The following DOCK5 variants were observed in gnomAD, a reference collection of about 807,000 sequenced individuals.
The protein encoded by DOCK5 is dedicator of cytokinesis 5.
In DOCK5, 142 loss-of-function variants were observed where a neutral mutation model predicts 251.8. That is an observed-to-expected ratio of 0.56 (90% CI 0.49 to 0.65). DOCK5 has a LOEUF of 0.65. Among genes scored for constraint, DOCK5 ranks in the 30% least tolerant of loss-of-function variants. The pLI is 0.00. For missense variants in DOCK5, 2,111 were observed against 2,312.3 expected (o/e 0.91, Z 1.79); for synonymous variants, 842 against 835.5 (o/e 1.01, Z -0.13).
intron 16 of DOCK5, among the ~76,000 whole-genome samples, chr8:25,321,645 T>C (rs377472933): frequency 6.6e-6 from 1 of 152,038 alleles, no homozygotes; most frequent in South Asian, 2.1e-4. Context: ...GGAGCTCAGG[T>C]GATAATGCGA....
intron 30 of DOCK5, 114 bp from the exon 31 acceptor site, chr8:25,366,756 T>A: frequency 1.4e-6 from 1 of 695,454 alleles, no homozygotes; most frequent in Non-Finnish European, 2.4e-6. Flanking sequence ...GATTGTATTT[T>A]GTTCTTTCAT....
intron 47 of DOCK5, among the ~76,000 whole-genome samples, chr8:25,402,411 C>T (rs1168526762): frequency 6.6e-6 from 1 of 152,200 alleles, no homozygotes; most frequent in African/African-American, 2.4e-5. Flanking sequence ...ATTCTCCTGC[C>T]TCAGCCTCCT....
chr8:25,305,696 GA>G lies in DOCK5; in HGVS notation c.1049+1372del, dbSNP rs1156501699. Among the ~76,000 whole-genome samples, 6 of 152,226 alleles carry G rather than the reference GA, an allele frequency of 3.9e-5. No homozygotes were observed. In the East Asian group the frequency reaches 1.2e-3, roughly 29 times the overall value. On this transcript the variant is annotated intron_variant, in intron 11 of 51. Coordinates refer to ENST00000276440, the MANE Select transcript of DOCK5 (RefSeq NM_024940.8). ...TGTTGTACATTTATTGAGGATGAGT[GA>G]AATGCAAATCGAAACATCAAGGTTT... is the stretch of plus-strand genomic sequence containing the variant.
In DOCK5 at chr8:25,401,083, T is replaced by C; in HGVS notation, c.4926+17T>C. The C allele has an allele frequency of 6.2e-7, 1 of 1,613,078 alleles. No homozygotes were observed. Among genetic ancestry groups the C allele is most frequent in the South Asian group, 1.1e-5 (1 of 90,948 alleles). ...ATAACACTGGTAAGCATGATCTAAGTAGCCTTCACACCTTTTTCTAGGCTC... is the reference window on the plus strand; with the variant it reads ...ATAACACTGGTAAGCATGATCTAAGCAGCCTTCACACCTTTTTCTAGGCTC... On this transcript the variant is annotated intron_variant, in intron 47 of 51. Coordinates refer to ENST00000276440, the MANE Select transcript of DOCK5 (RefSeq NM_024940.8).
Position 25,380,316 on chromosome 8 carries a change from G to A in DOCK5, c.3948G>A (p.Lys1316=). 6.2e-7 allele frequency: 1 copy of A among 1,610,856 alleles called. No individual in the cohort carries two copies. The change falls in exon 39 of 52, where the codon AAG becomes AAA. Residue 1316 remains lysine (K), a synonymous_variant. Transcript: ENST00000276440. The stretch of plus-strand genomic sequence containing the variant: ...TCCTTTTTCTGAAGATGTGGGAGAA[G>A]GCCATCAAGCTGAGCAAAGAGTTGG... ...SYFDKGKMWE[K]AIKLSKELAE... is the part of the protein sequence containing the mutation.
chr8:25,325,401 T>A lies in DOCK5; in HGVS notation c.1757T>A (p.Leu586Gln). ...AAAATGGAAGATGCTAAATTCTACC[T>A]GACCCTGCCTGGAACCAAGATGGAG... is the stretch of plus-strand genomic sequence containing the variant. ...NKKMEDAKFY[L>Q]TLPGTKMEME... The change falls in exon 18 of 52, where the codon CTG becomes CAG. Residue 586 changes from leucine (L) to glutamine (Q), a missense_variant. Around this residue, in one of 3 missense-constraint regions of DOCK5, gnomAD observed 1,717 missense variants for 1,892.4 expected, o/e 0.91. Coordinates refer to ENST00000276440, the MANE Select transcript of DOCK5 (RefSeq NM_024940.8). 1 of 1,613,984 alleles carries A rather than the reference T, an allele frequency of 6.2e-7. No homozygotes were observed. The highest frequency in any genetic ancestry group is 8.5e-7 in the Non-Finnish European group (1 of 1,179,866).
intron 2 of DOCK5, among the ~76,000 whole-genome samples, chr8:25,262,174 A>G (rs76763413): frequency 0.046 from 6,989 of 152,248 alleles, 523 homozygotes; most frequent in African/African-American, 0.16. Flanking sequence ...ACCAGCAATG[A>G]GAGAGAGTTC....
At chr8:25,364,944 G>T (rs560655011) in intron 30 of DOCK5, among the ~76,000 whole-genome samples, 1 of 152,056 alleles carries the variant, frequency 6.6e-6, no homozygotes, top group African/African-American at 2.4e-5. Context: ...AAGAGTAATA[G>T]TAGAAGATCA....
At chr8:25,329,627 A>T (rs1269606900) in intron 18 of DOCK5, among the ~76,000 whole-genome samples, 3 of 152,168 alleles carry the variant, frequency 2.0e-5, no homozygotes, top group Non-Finnish European at 2.9e-5. Context: ...ATGGTTGAAG[A>T]TATTCTTCCT....
intron 43 of DOCK5, 105 bp downstream of exon 43, chr8:25,392,085 C>T (rs977281926): frequency 3.2e-5 from 34 of 1,064,734 alleles, no homozygotes; most frequent in Non-Finnish European, 3.8e-5. Flanking sequence ...GGGCGGATCA[C>T]GAAGTCAAGA....
intron 7 of DOCK5, among the ~76,000 whole-genome samples, chr8:25,296,873 A>T (rs1184444446): frequency 6.6e-6 from 1 of 152,104 alleles, no homozygotes; most frequent in Admixed American, 6.6e-5. Context: ...AGGATCCATA[A>T]TGGTATATAT....
In DOCK5 at chr8:25,345,395, G is replaced by A. The variant is rs534836346; in HGVS notation, c.2618-80G>A. ...GAGCTTAGAGCTACTGGTACTGGTC[G>A]AGGAAGAGTTGCAGGAAGGAGACAG... is the stretch of plus-strand genomic sequence containing the variant. On this transcript the variant is annotated intron_variant, in intron 25 of 51. Coordinates refer to ENST00000276440, the MANE Select transcript of DOCK5 (RefSeq NM_024940.8). The A allele has an allele frequency of 1.8e-4, 285 of 1,572,112 alleles. No homozygotes were observed. In the African/African-American group the frequency reaches 3.3e-3, roughly 18 times the overall value.
intron 30 of DOCK5, among the ~76,000 whole-genome samples, chr8:25,366,374 C>G (rs1446494867): frequency 6.6e-6 from 1 of 152,024 alleles, no homozygotes; most frequent in Non-Finnish European, 1.5e-5. Flanking sequence ...GCCTGTAATC[C>G]CAGATACTCG....
chr8:25,329,007 A>G (rs954219383), intron 18 of DOCK5, among the ~76,000 whole-genome samples: 3 of 152,164 alleles, frequency 2.0e-5, no homozygotes, highest in Non-Finnish European at 2.9e-5. Context: ...CAAACAGTTT[A>G]TAGTTTATCG....
intron 1 of DOCK5, among the ~76,000 whole-genome samples, chr8:25,227,452 T>C (rs945847892): frequency 6.6e-6 from 1 of 152,220 alleles, no homozygotes; most frequent in Non-Finnish European, 1.5e-5. Flanking sequence ...TACATAATTA[T>C]ATGCATTTTG....
intron 2 of DOCK5, among the ~76,000 whole-genome samples, chr8:25,262,620 C>T (rs953809743): frequency 5.9e-5 from 9 of 151,960 alleles, no homozygotes; most frequent in African/African-American, 2.2e-4. Flanking sequence ...AACAGGAGAC[C>T]CTTCTTAACT....
chr8:25,296,586 G>T lies in DOCK5; in HGVS notation c.544G>T (p.Ala182Ser), dbSNP rs780906985. 6.2e-7 allele frequency: 1 copy of T among 1,612,546 alleles called. No homozygotes were observed. The highest frequency in any genetic ancestry group is 2.2e-5 in the East Asian group (1 of 44,818). ...ILDPDETSTI[A>S]LFKAHEVASK... ...AGACCCTGACGAAACCAGCACCATT[G>T]CCCTCTTCAAGGCCCATGAGGTGGC... The change falls in exon 7 of 52, where the codon GCC becomes TCC. Residue 182 changes from alanine (A) to serine (S), a missense_variant. By Grantham distance (99) the Ala-to-Ser change is moderately conservative (BLOSUM62 1). Around this residue, in one of 3 missense-constraint regions of DOCK5, gnomAD observed 335 missense variants for 324.9 expected, o/e 1.03. Coordinates refer to ENST00000276440, the MANE Select transcript of DOCK5 (RefSeq NM_024940.8).
intron 22 of DOCK5, among the ~76,000 whole-genome samples, chr8:25,336,686 T>G (rs1367317609): frequency 6.6e-6 from 1 of 152,188 alleles, no homozygotes; most frequent in African/African-American, 2.4e-5. Flanking sequence ...TCTAGGATCA[T>G]GATCTGCTGT....
intron 37 of DOCK5, chr8:25,376,194 A>T (rs1586375748): frequency 1.0e-6 from 1 of 985,300 alleles, no homozygotes; most frequent in East Asian, 1.1e-4. Context: ...TCAGAAAGAA[A>T]TCCCCAGTGT....
Sources: gnomAD v4.1 joint callset for allele counts (sites outside exome capture counted in the v4.1 genomes callset) on GRCh38, gnomAD v4.1.1 for gene constraint, gnomAD v4.1.1 regional missense constraint, MANE v1.5 for transcripts, NCBI Gene and HGNC (gene_info 2026-07-23, HGNC 2026-07-21) for gene names.